Variants in PHLDB2 observed in about 807,000 individuals in gnomAD.
PHLDB2 encodes pleckstrin homology like domain family B member 2.
Under a neutral mutation model 123.6 loss-of-function variants are expected in PHLDB2, and 71 were observed. The ratio of observed to expected loss-of-function variants is 0.57; its 90% confidence interval spans 0.47 to 0.70. The LOEUF is 0.70. Among genes scored for constraint, PHLDB2 ranks in the 30% least tolerant of loss-of-function variants. PHLDB2 has a pLI of 0.00. For missense variants in PHLDB2, 1,446 were observed against 1,519.5 expected (o/e 0.95, Z 0.80); for synonymous variants, 547 against 541.6 (o/e 1.01, Z -0.14).
chr3:111,916,544 CTTAACT>C (rs549911012), intron 3 of PHLDB2: 30 of 152,256 alleles, frequency 2.0e-4, no homozygotes, highest in African/African-American at 6.5e-4. Flanking sequence ...TGTAAGTTGA[CTTAACT>C]ATACAGAACA....
At chr3:111,743,272 A>T (rs567175455) in intron 1 of PHLDB2, among the ~76,000 whole-genome samples, 1 of 152,234 alleles carries the variant, frequency 6.6e-6, no homozygotes, top group South Asian at 2.1e-4. Context: ...GTCTGGGGAG[A>T]TCCTTTTAAC....
chr3:111,829,446 C>CTTTTTT (rs2062826772), intron 1 of PHLDB2, among the ~76,000 whole-genome samples: 1 of 129,806 alleles, frequency 7.7e-6, no homozygotes. Context: ...ATTTCTTTTT[C>CTTTTTT]TTTTTCTTTT....
chr3:111,874,066 T>G (rs527505155), intron 1 of PHLDB2, among the ~76,000 whole-genome samples: 162 of 152,234 alleles, frequency 1.1e-3, no homozygotes, highest in Non-Finnish European at 9.4e-4. Flanking sequence ...GTTTGTTGGA[T>G]GTACCAGTGG....
intron 9 of PHLDB2, among the ~76,000 whole-genome samples, chr3:111,947,003 G>A (rs558508130): frequency 2.0e-5 from 3 of 152,250 alleles, no homozygotes; most frequent in Non-Finnish European, 1.5e-5. Flanking sequence ...TTGGATGTTG[G>A]GATGAAGTAA....
chr3:111,839,778 A>G (rs75700081), intron 1 of PHLDB2, among the ~76,000 whole-genome samples: 182 of 151,750 alleles, frequency 1.2e-3, no homozygotes, highest in African/African-American at 4.3e-3. Context: ...TTCTGACTAA[A>G]CATAACACCG....
intron 2 of PHLDB2, among the ~76,000 whole-genome samples, chr3:111,851,614 T>C (rs979370454): frequency 2.6e-5 from 4 of 152,218 alleles, no homozygotes; most frequent in African/African-American, 9.6e-5. Flanking sequence ...TTAAATGTTG[T>C]GGCTGGAGCT....
chr3:111,822,228 T>C (rs574018497), intron 1 of PHLDB2, among the ~76,000 whole-genome samples: 1 of 151,454 alleles, frequency 6.6e-6, no homozygotes, highest in Admixed American at 6.6e-5. Flanking sequence ...TGCTCTCCTC[T>C]ATTTCCTTCA....
At chr3:111,932,063 C>A (rs2069177738) in intron 5 of PHLDB2, among the ~76,000 whole-genome samples, 4 of 152,152 alleles carry the variant, frequency 2.6e-5, no homozygotes, top group Admixed American at 2.6e-4. Flanking sequence ...GTGGACTGTG[C>A]TTTGAGAATG....
At chr3:111,973,640 T>C (rs759740735) in intron 16 of PHLDB2, 92 bp from the exon 17 acceptor site, 2 of 692,616 alleles carry the variant, frequency 2.9e-6, no homozygotes, top group Non-Finnish European at 2.3e-6. Flanking sequence ...AAATACTTTG[T>C]AAATATTTTA....
At chr3:111,834,179 A>G (rs1167486805) in intron 1 of PHLDB2, among the ~76,000 whole-genome samples, 104 of 84,032 alleles carry the variant, frequency 1.2e-3, no homozygotes, top group Non-Finnish European at 2.0e-3. Context: ...ATAGAATTAT[A>G]TATATTATAT....
chr3:111,853,135 C>T (rs899668925), intron 2 of PHLDB2, among the ~76,000 whole-genome samples: 1 of 151,670 alleles, frequency 6.6e-6, no homozygotes, highest in African/African-American at 2.4e-5. Context: ...TAGTAAAAAC[C>T]AAATATTCAA....
intron 1 of PHLDB2, among the ~76,000 whole-genome samples, chr3:111,834,723 GC>G: frequency 6.6e-6 from 1 of 151,904 alleles, no homozygotes; most frequent in East Asian, 1.9e-4. Flanking sequence ...TTTTGGACTT[GC>G]TTTTCTTATT....
intron 1 of PHLDB2, among the ~76,000 whole-genome samples, chr3:111,871,947 C>G (rs2065359926): frequency 1.3e-5 from 2 of 152,188 alleles, no homozygotes; most frequent in South Asian, 4.1e-4. Context: ...AGTACTGTGA[C>G]TTTCTGTGGA....
intron 1 of PHLDB2, among the ~76,000 whole-genome samples, chr3:111,843,843 TTAAGTA>T (rs989189418): frequency 3.3e-5 from 5 of 152,244 alleles, no homozygotes; most frequent in African/African-American, 1.2e-4. Context: ...AAAGCTTCTT[TTAAGTA>T]TAACTTATGG....
At chr3:111,936,924 G>A (rs1298461041) in intron 6 of PHLDB2, among the ~76,000 whole-genome samples, 1 of 152,130 alleles carries the variant, frequency 6.6e-6, no homozygotes, top group East Asian at 1.9e-4. Context: ...ATTGTTTTAA[G>A]CCATAACACT....
At chr3:111,862,691 A>G (rs1381539146) in intron 1 of PHLDB2, among the ~76,000 whole-genome samples, 1 of 152,188 alleles carries the variant, frequency 6.6e-6, no homozygotes, top group Non-Finnish European at 1.5e-5. Flanking sequence ...CCCTTATCAT[A>G]GAAGCCGTTT....
intron 1 of PHLDB2, among the ~76,000 whole-genome samples, chr3:111,749,509 G>T (rs1322710717): frequency 6.6e-6 from 1 of 152,126 alleles, no homozygotes; most frequent in Non-Finnish European, 1.5e-5. Context: ...TCTTTTGTTT[G>T]TTTTAGTCTC....
intron 6 of PHLDB2, among the ~76,000 whole-genome samples, chr3:111,937,673 G>C (rs2069583314): frequency 6.6e-6 from 1 of 151,942 alleles, no homozygotes; most frequent in South Asian, 2.1e-4. Context: ...CTACTTGGGA[G>C]GTTGAGGCAG....
chr3:111,780,412 A>AAGGAGAAGAAGAAGAAGAAGAAG (rs1326616017), intron 1 of PHLDB2, among the ~76,000 whole-genome samples: 1 of 116,680 alleles, frequency 8.6e-6, no homozygotes, highest in Non-Finnish European at 1.8e-5. Context: ...AGAAGAAGAA[A>AAGGAGAAGAAGAAGAAGAAGAAG]AAGATTAGTT....
Sources: gnomAD v4.1 joint callset for allele counts (sites outside exome capture counted in the v4.1 genomes callset) on GRCh38, gnomAD v4.1.1 for gene constraint, MANE v1.5 for transcripts, NCBI Gene and HGNC (gene_info 2026-07-23, HGNC 2026-07-21) for gene names.